ANK2: variants seen among roughly 807,000 people sequenced by gnomAD.
The protein encoded by ANK2 is ankyrin 2.
In ANK2, 83 loss-of-function variants were observed where a neutral mutation model predicts 360.5. That is an observed-to-expected ratio of 0.23 (90% CI 0.19 to 0.28). ANK2 has a LOEUF of 0.28. Ranked by LOEUF, ANK2 falls within the 10% of genes least tolerant of loss-of-function variation. ANK2 has a pLI of 1.00. For synonymous variants in ANK2, 1,740 were observed against 1,759.5 expected (o/e 0.99, Z 0.28); for missense variants, 4,201 against 4,795.7 (o/e 0.88, Z 3.66).
chr4:112,784,350 AT>A, the ANK2 span, among the ~76,000 whole-genome samples: 22,805 of 69,270 alleles, frequency 0.33, 2,745 homozygotes, highest in East Asian at 0.39. Context: ...ACCCTGACTG[AT>A]TTTTTTTTTT....
intron 23 of ANK2, among the ~76,000 whole-genome samples, 199 bp from the exon 24 acceptor site, chr4:113,311,056 A>G (rs941462047): frequency 8.5e-5 from 13 of 152,230 alleles, no homozygotes; most frequent in Non-Finnish European, 1.0e-4. Flanking sequence ...CTTGGTAAGT[A>G]CTAAGAAAAT....
At chr4:112,734,251 G>T in the ANK2 span, among the ~76,000 whole-genome samples, 1 of 152,182 alleles carries the variant, frequency 6.6e-6, no homozygotes, top group Non-Finnish European at 1.5e-5. Flanking sequence ...CTCTCCTTAA[G>T]AGAACAAGAT....
the ANK2 span, among the ~76,000 whole-genome samples, chr4:112,759,583 C>G: frequency 2.6e-5 from 4 of 152,180 alleles, no homozygotes; most frequent in African/African-American, 9.7e-5. Flanking sequence ...TAAATTCCAT[C>G]TCAATAGTGT....
rs1060504153 is a variant in ANK2 at position 113,356,454 on chromosome 4, A to G, written c.7836A>G (p.Lys2612=). ...EQEAKQKRDY[K]KEPKQEESSS... ...AAGCAAAGCAGAAAAGGGACTACAA[A>G]AAAGAACCCAAACAAGAAGAATCTT... The change falls in exon 38 of 46, where the codon AAA becomes AAG. Residue 2612 remains lysine, a synonymous_variant. Transcript: ENST00000357077. The G allele has an allele frequency of 3.1e-6, 5 of 1,614,170 alleles. No individual in the cohort carries two copies. The highest frequency in any genetic ancestry group is 4.2e-6 in the Non-Finnish European group (5 of 1,179,990).
rs531321688 is a variant in ANK2 at position 113,360,748 on chromosome 4, T to C, written c.10682-75T>C. On this transcript the variant is annotated intron_variant, in intron 38 of 45. Transcript: ENST00000357077. ...ATATTTGGAGAAGTGACTTCCTTTC[T>C]TTGAATGAATCAGTACTGTGGTTCC... The C allele has an allele frequency of 3.9e-5, 52 of 1,317,896 alleles. No homozygotes were observed. In the South Asian group the frequency reaches 6.0e-4, roughly 15 times the overall value. The allele number at this position is 1,317,896 out of a possible 1,614,324, so 81.6% of individuals were successfully genotyped here.
rs999096735 is a variant in ANK2, at chr4:112,981,936, G to C, written c.21+77422G>C. 3.3e-5 allele frequency among the ~76,000 whole-genome samples: 5 copies of C among 152,118 alleles called. No individual in the cohort carries two copies. In the South Asian group the frequency reaches 1.0e-3, roughly 32 times the overall value. On this transcript the variant is annotated intron_variant, in intron 2 of 30. Transcript: ENST00000503271. ...ACTTCCTGGGTGTGGGGGTATGAAG[G>C]GGTTTCTGTCCCTTTCAACAGTAGT...
chr4:113,092,223 G>T (rs1426385561), intron 1 of ANK2, among the ~76,000 whole-genome samples: 1 of 152,090 alleles, frequency 6.6e-6, no homozygotes, highest in African/African-American at 2.4e-5. Context: ...ATGGCATCTG[G>T]CCACAGAATT....
chr4:112,788,749 C>A, the ANK2 span: 1 of 1,568,074 alleles, frequency 6.4e-7, no homozygotes, highest in South Asian at 1.1e-5. Context: ...GGCTGGATGT[C>A]CTGTCCAATG....
intron 1 of ANK2, among the ~76,000 whole-genome samples, chr4:112,883,868 ATGTATATATATGTATATATATG>A (rs926482053): frequency 1.4e-5 from 2 of 142,226 alleles, no homozygotes; most frequent in African/African-American, 5.6e-5. Flanking sequence ...TCATATATAT[ATGTATATATATGTATATATATG>A]TGTATATATA....
intron 1 of ANK2, among the ~76,000 whole-genome samples, chr4:112,846,117 C>T (rs1334191850): frequency 3.4e-5 from 5 of 149,236 alleles, no homozygotes; most frequent in African/African-American, 5.1e-5. Context: ...AAATTTTTTT[C>T]TTTCTTTCTT....
intron 26 of ANK2, among the ~76,000 whole-genome samples, chr4:113,323,437 CTT>C (rs2087638679): frequency 6.6e-6 from 1 of 152,064 alleles, no homozygotes; most frequent in Non-Finnish European, 1.5e-5. Flanking sequence ...AAATCAAAGA[CTT>C]TATGTTTTTC....
Position 112,839,213 on chromosome 4 carries a change from T to C in ANK2, c.-40+20949T>C, listed in dbSNP as rs994539158. Among the ~76,000 whole-genome samples, 6 of 152,212 alleles carry C rather than the reference T, an allele frequency of 3.9e-5. 1 individual carries two copies. The South Asian group carries it at 1.0e-3, about 26-fold the overall frequency. ...TTTCTAGGTAATAGCTGACACATAC[T>C]GTACTTTCATTCACAGGTCCCAGTT... On this transcript the variant is annotated intron_variant, in intron 1 of 30. Transcript: ENST00000503271.
At chr4:112,890,112 AACATTC>A (rs2079521209) in intron 1 of ANK2, among the ~76,000 whole-genome samples, 1 of 152,246 alleles carries the variant, frequency 6.6e-6, no homozygotes, top group East Asian at 1.9e-4. Context: ...TGGGGCTTAT[AACATTC>A]AGACCCCTCC....
At chr4:113,229,133 T>A (rs2099260736) in intron 4 of ANK2, among the ~76,000 whole-genome samples, 1 of 152,258 alleles carries the variant, frequency 6.6e-6, no homozygotes, top group African/African-American at 2.4e-5. Flanking sequence ...GTGTATTACA[T>A]ACCTGTTGCT....
chr4:112,775,544 C>CACACACACACACACACACACACAA, the ANK2 span, among the ~76,000 whole-genome samples: 6 of 151,332 alleles, frequency 4.0e-5, no homozygotes, highest in Admixed American at 2.0e-4. Context: ...CACACACACA[C>CACACACACACACACACACACACAA]AAGAAAAAAA....
At chr4:112,793,653 C>A in the ANK2 span, among the ~76,000 whole-genome samples, 1 of 149,898 alleles carries the variant, frequency 6.7e-6, no homozygotes, top group Non-Finnish European at 1.5e-5. Flanking sequence ...TATATACTGT[C>A]TTTTATAAAT....
intron 7 of ANK2, among the ~76,000 whole-genome samples, chr4:113,238,514 C>T (rs938804183): frequency 1.3e-4 from 20 of 152,208 alleles, no homozygotes; most frequent in African/African-American, 2.4e-4. Flanking sequence ...TCAGAGACAA[C>T]GGAAAGCCCA....
intron 1 of ANK2, among the ~76,000 whole-genome samples, chr4:112,821,601 C>T (rs1168127508): frequency 6.7e-6 from 1 of 149,526 alleles, no homozygotes; most frequent in Non-Finnish European, 1.5e-5. Flanking sequence ...CTCTTGGGCT[C>T]AAGTGATCCT....
intron 43 of ANK2, among the ~76,000 whole-genome samples, chr4:113,372,291 C>T (rs1487006793): frequency 6.6e-6 from 1 of 152,058 alleles, no homozygotes; most frequent in African/African-American, 2.4e-5. Context: ...GATGGGTTCT[C>T]CAACAGCTCT....
Sources: gnomAD v4.1 joint callset for allele counts (sites outside exome capture counted in the v4.1 genomes callset) on GRCh38, gnomAD v4.1.1 for gene constraint, MANE v1.5 for transcripts, NCBI Gene and HGNC (gene_info 2026-07-23, HGNC 2026-07-21) for gene names.